ANKS1B: variants seen among roughly 807,000 people sequenced by gnomAD.
ANKS1B encodes ankyrin repeat and sterile alpha motif domain containing 1B.
In ANKS1B, 36 loss-of-function variants were observed where a neutral mutation model predicts 148.3. That is an observed-to-expected ratio of 0.24 (90% CI 0.19 to 0.32). The LOEUF (loss-of-function observed/expected upper bound fraction) is 0.32, where lower values mean the gene tolerates loss of function less well. ANKS1B is among the 10% of genes least tolerant of loss of function. The pLI, the probability that ANKS1B is intolerant of heterozygous loss-of-function variation, is 1.00. For synonymous variants in ANKS1B, 542 were observed against 560.8 expected (o/e 0.97, Z 0.47); for missense variants, 1,157 against 1,542.6 (o/e 0.75, Z 4.19).
chr12:98,809,957 C>T (rs946406099), intron 19 of ANKS1B, among the ~76,000 whole-genome samples: 3 of 152,108 alleles, frequency 2.0e-5, no homozygotes, highest in Non-Finnish European at 4.4e-5. Context: ...ATCAACAGGA[C>T]CCGAGGCCAT....
At chr12:99,653,967 TC>T (rs1273532888) in intron 9 of ANKS1B, among the ~76,000 whole-genome samples, 5 of 152,094 alleles carry the variant, frequency 3.3e-5, no homozygotes, top group Non-Finnish European at 1.5e-5. Flanking sequence ...TCGAACCCAT[TC>T]TTCTGATTTG....
chr12:99,331,351 C>CTAT (rs2152276393), intron 12 of ANKS1B, among the ~76,000 whole-genome samples: 1 of 152,130 alleles, frequency 6.6e-6, no homozygotes, highest in East Asian at 1.9e-4. Context: ...AATGGCATCT[C>CTAT]TAATTATAAG....
chr12:99,155,074 T>C, intron 14 of ANKS1B: 3 of 1,534,336 alleles, frequency 2.0e-6, no homozygotes, highest in Admixed American at 3.9e-5. Flanking sequence ...TGAATCTTCA[T>C]ACTGGTTATA....
chr12:99,706,750 A>G (rs2055843722), intron 8 of ANKS1B: 2 of 152,090 alleles, frequency 1.3e-5, no homozygotes, highest in Admixed American at 6.6e-5. Flanking sequence ...GGCTTTGATG[A>G]AGTAAGCTAC....
intron 12 of ANKS1B, among the ~76,000 whole-genome samples, chr12:99,341,728 T>C (rs2089954047): frequency 6.6e-6 from 1 of 152,078 alleles, no homozygotes; most frequent in Admixed American, 6.6e-5. Context: ...GTAAGTACTG[T>C]AAGTAGGTAG....
intron 8 of ANKS1B, among the ~76,000 whole-genome samples, chr12:99,701,804 T>A (rs918513846): frequency 2.0e-5 from 3 of 152,184 alleles, no homozygotes; most frequent in Admixed American, 6.5e-5. Context: ...TTTGTCTTTC[T>A]GTGCCTGGCT....
intron 8 of ANKS1B, among the ~76,000 whole-genome samples, chr12:99,695,562 G>A (rs372728048): frequency 1.3e-5 from 2 of 152,302 alleles, no homozygotes; most frequent in African/African-American, 4.8e-5. Flanking sequence ...CCTCACTAAT[G>A]AAAGATTCAG....
At chr12:99,466,763 C>T in intron 10 of ANKS1B, among the ~76,000 whole-genome samples, 1 of 151,988 alleles carries the variant, frequency 6.6e-6, no homozygotes, top group African/African-American at 2.4e-5. Context: ...TATGAATAGA[C>T]CAATAACAGG....
chr12:99,014,720 C>T (rs1388891318), intron 17 of ANKS1B, among the ~76,000 whole-genome samples: 2 of 152,112 alleles, frequency 1.3e-5, no homozygotes, highest in Non-Finnish European at 2.9e-5. Flanking sequence ...AGGACATGAA[C>T]AGATACTTTT....
rs76556032 is a variant in ANKS1B at position 99,159,996 on chromosome 12, G to A, written c.2420-5601C>T. Among the ~76,000 whole-genome samples, 1,142 of 152,192 alleles carry A rather than the reference G, an allele frequency of 7.5e-3. 7 individuals carry two copies. Among genetic ancestry groups the A allele is most frequent in the Middle Eastern group, 0.027 (8 of 294 alleles). ...GATCAGTGACGTTAAGCATTGTTTC[G>A]TATGTTTGTTGGCCACTTGTATGTC... is the stretch of plus-strand genomic sequence containing the variant. On this transcript the variant is annotated intron_variant, in intron 14 of 26. Coordinates refer to ENST00000683438, the MANE Select transcript of ANKS1B (RefSeq NM_001352186.2).
intron 14 of ANKS1B, among the ~76,000 whole-genome samples, chr12:99,201,319 A>C (rs2082041883): frequency 6.7e-6 from 1 of 149,722 alleles, no homozygotes; most frequent in South Asian, 2.1e-4. Flanking sequence ...TTATTTCCTG[A>C]GTGGAAAAAA....
At chr12:99,679,977 A>G (rs2098604750) in intron 8 of ANKS1B, among the ~76,000 whole-genome samples, 1 of 152,208 alleles carries the variant, frequency 6.6e-6, no homozygotes, top group African/African-American at 2.4e-5. Flanking sequence ...GCACCTTGTT[A>G]CTGCAAACTC....
At chr12:99,174,382 C>A (rs971759300) in intron 14 of ANKS1B, among the ~76,000 whole-genome samples, 1 of 152,110 alleles carries the variant, frequency 6.6e-6, no homozygotes, top group South Asian at 2.1e-4. Flanking sequence ...ACAGAAATTG[C>A]GAGATTATAA....
intron 6 of ANKS1B, among the ~76,000 whole-genome samples, chr12:99,778,064 G>T (rs2063853599): frequency 6.6e-6 from 1 of 151,976 alleles, no homozygotes; most frequent in South Asian, 2.1e-4. Context: ...GCTGGGCATG[G>T]TGGCGGGTGC....
At chr12:98,938,767 G>C (rs369698708) in intron 17 of ANKS1B, among the ~76,000 whole-genome samples, 6 of 152,340 alleles carry the variant, frequency 3.9e-5, no homozygotes, top group African/African-American at 1.4e-4. Context: ...AACCAGAACA[G>C]TTTCTTGGAA....
intron 8 of ANKS1B, among the ~76,000 whole-genome samples, chr12:99,768,162 A>C: frequency 6.6e-6 from 1 of 152,182 alleles, no homozygotes; most frequent in East Asian, 1.9e-4. Context: ...ATTTCTCCAA[A>C]ATAACTTTTG....
At chr12:99,908,178 A>G (rs1254589581) in intron 1 of ANKS1B, among the ~76,000 whole-genome samples, 1 of 152,210 alleles carries the variant, frequency 6.6e-6, no homozygotes, top group Non-Finnish European at 1.5e-5. Context: ...TGAAAATTAC[A>G]TAATATACAG....
At chr12:98,908,454 T>A (rs2099782400) in intron 17 of ANKS1B, among the ~76,000 whole-genome samples, 1 of 152,130 alleles carries the variant, frequency 6.6e-6, no homozygotes. Context: ...CAAGGTAGGG[T>A]TTATACACTG....
chr12:99,977,459 T>C (rs982699478), intron 1 of ANKS1B, among the ~76,000 whole-genome samples: 2 of 152,208 alleles, frequency 1.3e-5, no homozygotes, highest in Admixed American at 1.3e-4. Flanking sequence ...AGATCCCATC[T>C]CTTCATACTG....
Sources: allele counts gnomAD v4.1 joint callset (sites outside exome capture counted in the v4.1 genomes callset), GRCh38; gene constraint gnomAD v4.1.1; transcripts MANE v1.5; gene names NCBI Gene and HGNC (gene_info 2026-07-23, HGNC 2026-07-21).